The following THSD4 variants were observed in gnomAD, a reference collection of about 807,000 sequenced individuals.
The protein encoded by THSD4 is thrombospondin type 1 domain containing 4.
A neutral mutation model predicts 119.0 loss-of-function variants in THSD4; 69 were observed. The observed-to-expected ratio is 0.58, with a 90% CI of 0.48 to 0.71. The LOEUF (loss-of-function observed/expected upper bound fraction) is 0.71, where lower values mean the gene tolerates loss of function less well. Ranked by LOEUF, THSD4 falls within the 30% of genes least tolerant of loss-of-function variation. THSD4 has a pLI of 0.00. For synonymous variants in THSD4, 524 were observed against 540.4 expected (o/e 0.97, Z 0.42); for missense variants, 1,393 against 1,391.1 (o/e 1.00, Z -0.02).
chr15:71,370,620 G>A (rs200654619), intron 6 of THSD4, among the ~76,000 whole-genome samples: 2 of 152,106 alleles, frequency 1.3e-5, no homozygotes, highest in Admixed American at 6.5e-5. Context: ...CCTGAGTTCT[G>A]GTTTGATTGC....
chr15:71,241,656 T>C (rs958933684), intron 4 of THSD4, among the ~76,000 whole-genome samples: 1 of 152,236 alleles, frequency 6.6e-6, no homozygotes, highest in African/African-American at 2.4e-5. Flanking sequence ...GGTAGCTTGA[T>C]ATCAGCCATG....
upstream of THSD4, chr15:71,112,384 G>C (rs2040311969): frequency 3.1e-6 from 2 of 643,432 alleles, no homozygotes; most frequent in Non-Finnish European, 4.8e-6. Context: ...GTCTTACATA[G>C]ACAGAACTGA....
intron 3 of THSD4, among the ~76,000 whole-genome samples, chr15:71,174,566 C>G (rs1435619319): frequency 3.0e-5 from 1 of 33,300 alleles, no homozygotes; most frequent in African/African-American, 5.3e-5. Flanking sequence ...GGGGGAGGGG[C>G]GCCCGCCATT....
intron 3 of THSD4, among the ~76,000 whole-genome samples, chr15:71,188,186 A>C (rs1344799408): frequency 2.6e-5 from 4 of 152,178 alleles, no homozygotes; most frequent in Non-Finnish European, 5.9e-5. Context: ...AGGTGTTTGC[A>C]GAAGGAAGGG....
At chr15:71,208,326 C>T (rs975937439) in intron 3 of THSD4, among the ~76,000 whole-genome samples, 5 of 152,116 alleles carry the variant, frequency 3.3e-5, no homozygotes, top group Non-Finnish European at 7.4e-5. Flanking sequence ...GAGCCGATCT[C>T]AAAATGTGGT....
At chr15:71,693,074 A>G (rs1297038076) in intron 8 of THSD4, among the ~76,000 whole-genome samples, 2 of 152,072 alleles carry the variant, frequency 1.3e-5, no homozygotes, top group Non-Finnish European at 2.9e-5. Context: ...GTTCGTTTGA[A>G]GATGAAATCA....
chr15:71,172,702 T>TATATATGTGAC (rs2043387994), intron 3 of THSD4, among the ~76,000 whole-genome samples: 3 of 103,070 alleles, frequency 2.9e-5, no homozygotes, highest in Non-Finnish European at 5.6e-5. Flanking sequence ...TATATATATA[T>TATATATGTGAC]ATATATATAT....
In THSD4 at chr15:71,542,631, A is replaced by G. The variant is rs35055543; in HGVS notation, c.1153-117899A>G. Among the ~76,000 whole-genome samples the G allele has an allele frequency of 8.0e-3, 1,224 of 152,302 alleles. 8 individuals carry two copies. The highest frequency in any genetic ancestry group is 0.013 in the Non-Finnish European group (900 of 68,010). Reference sequence around the variant, plus strand: ...AGTGTCTCACGCCTGTAATCCCAGCACTTTGGGAGGCCGAGGTAGGCGGAT... The same window carrying G: ...AGTGTCTCACGCCTGTAATCCCAGCGCTTTGGGAGGCCGAGGTAGGCGGAT... On this transcript the variant is annotated intron_variant, in intron 7 of 17. Coordinates refer to ENST00000261862, the MANE Select transcript of THSD4 (RefSeq NM_024817.3).
At chr15:71,624,635 C>CT (rs58824187) in intron 7 of THSD4, among the ~76,000 whole-genome samples, 15 of 151,818 alleles carry the variant, frequency 9.9e-5, no homozygotes, top group African/African-American at 2.7e-4. Context: ...CACCTGCCCT[C>CT]TTTTTTTTAT....
chr15:71,225,367 C>A (rs1375640953), intron 4 of THSD4, among the ~76,000 whole-genome samples: 1 of 152,034 alleles, frequency 6.6e-6, no homozygotes, highest in Non-Finnish European at 1.5e-5. Context: ...TGAGTTTCTA[C>A]ATTCATAAAA....
chr15:71,526,708 G>T (rs2048525445), intron 7 of THSD4, among the ~76,000 whole-genome samples: 1 of 152,208 alleles, frequency 6.6e-6, no homozygotes, highest in Non-Finnish European at 1.5e-5. Context: ...ATTAGGTGAT[G>T]TGAATCCCTA....
chr15:71,540,344 G>A (rs1192351477), intron 7 of THSD4, among the ~76,000 whole-genome samples: 1 of 151,348 alleles, frequency 6.6e-6, no homozygotes, highest in African/African-American at 2.4e-5. Context: ...CACCATGTTG[G>A]TCAGGCTGGT....
upstream of THSD4, chr15:71,096,927 C>A (rs1347478257): frequency 6.6e-6 from 1 of 152,196 alleles, no homozygotes; most frequent in Non-Finnish European, 1.5e-5. Flanking sequence ...ACCAGATAAG[C>A]CTGCATCTAA....
At chr15:71,665,901 C>T (rs920702600) in intron 8 of THSD4, among the ~76,000 whole-genome samples, 8 of 152,092 alleles carry the variant, frequency 5.3e-5, no homozygotes, top group Admixed American at 1.3e-4. Flanking sequence ...TTTTGATTAC[C>T]GTAGCCCTGT....
chr15:71,721,789 T>G (rs958346955), intron 8 of THSD4, among the ~76,000 whole-genome samples: 4 of 152,012 alleles, frequency 2.6e-5, no homozygotes, highest in Non-Finnish European at 4.4e-5. Flanking sequence ...ACCCACAGTT[T>G]AGGCCAAAAA....
chr15:71,568,394 G>A (rs1417523046), intron 7 of THSD4, among the ~76,000 whole-genome samples: 2 of 152,056 alleles, frequency 1.3e-5, no homozygotes, highest in African/African-American at 4.8e-5. Flanking sequence ...TGAAGGCCAA[G>A]TAGGATCCCG....
intron 7 of THSD4, among the ~76,000 whole-genome samples, chr15:71,456,936 C>G (rs1015143051): frequency 6.6e-6 from 1 of 152,168 alleles, no homozygotes; most frequent in Non-Finnish European, 1.5e-5. Flanking sequence ...GGATGGCCTT[C>G]CCTCCAGAAG....
chr15:71,482,576 CA>C (rs1180005200), intron 7 of THSD4, among the ~76,000 whole-genome samples: 2 of 151,080 alleles, frequency 1.3e-5, no homozygotes, highest in African/African-American at 4.9e-5. Context: ...AGGCATGAGC[CA>C]CCGTGCCCAG....
intron 7 of THSD4, among the ~76,000 whole-genome samples, chr15:71,510,361 C>G: frequency 6.6e-6 from 1 of 152,212 alleles, no homozygotes. Flanking sequence ...GCTACAGCTG[C>G]AAACAAGGCA....
Sources: gnomAD v4.1 joint callset for allele counts (sites outside exome capture counted in the v4.1 genomes callset) on GRCh38, gnomAD v4.1.1 for gene constraint, MANE v1.5 for transcripts, NCBI Gene and HGNC (gene_info 2026-07-23, HGNC 2026-07-21) for gene names.